The following GNL3L variants were observed in gnomAD, a reference collection of about 807,000 sequenced individuals.
GNL3L encodes guanine nucleotide-binding protein-like 3-like protein.
A neutral mutation model predicts 42.9 loss-of-function variants in GNL3L; 4 were observed. That is an observed-to-expected ratio of 0.09 (90% CI 0.05 to 0.21). GNL3L has a LOEUF of 0.21. Among genes scored for constraint, GNL3L ranks in the 10% least tolerant of loss-of-function variants. The pLI, the probability that GNL3L is intolerant of heterozygous loss-of-function variation, is 1.00. For synonymous variants in GNL3L, 159 were observed against 176.3 expected, an observed-to-expected ratio of 0.90 and a Z score of 0.78; for missense variants, 412 against 481.7, an observed-to-expected ratio of 0.86 and a Z score of 1.36.
the GNL3L span, among the ~76,000 whole-genome samples, chrX:54,633,853 C>T: frequency 8.9e-6 from 1 of 112,844 alleles, no homozygotes; most frequent in Non-Finnish European, 1.9e-5. Context: ...GCTGAGAAAG[C>T]AAGCAGGGCT....
chrX:54,572,049 A>G (rs1381064264), downstream of GNL3L, among the ~76,000 whole-genome samples: 3 of 106,193 alleles, frequency 2.8e-5, no homozygotes, highest in Non-Finnish European at 5.8e-5. Context: ...GGTGTTTCTC[A>G]CAGAAGGGGA....
In GNL3L at chrX:54,566,783, C is replaced by A. The variant is rs1239277766; in HGVS notation, c.*6181C>A. Among the ~76,000 whole-genome samples the A allele has an allele frequency of 9.0e-6, 1 of 111,487 alleles. No homozygotes were observed. Among genetic ancestry groups the A allele is most frequent in the African/African-American group, 3.3e-5 (1 of 30,630 alleles). On this transcript the variant is annotated 3_prime_UTR_variant, in exon 16 of 16. Coordinates refer to ENST00000360845, the MANE Select transcript of GNL3L (RefSeq NM_001184819.2). ...TATGAATATGGGTATGGAGATCTCTCCCCTTATTTTGAGACAGGATCTCAC... is the reference window on the plus strand; with the variant it reads ...TATGAATATGGGTATGGAGATCTCTACCCTTATTTTGAGACAGGATCTCAC...
intron 16 of GNL3L, among the ~76,000 whole-genome samples, chrX:54,599,906 TTCTTC>T (rs1325929735): frequency 9.0e-6 from 1 of 111,395 alleles, no homozygotes; most frequent in African/African-American, 3.2e-5. Flanking sequence ...AATTTCCATT[TTCTTC>T]TCTTCATATC....
chrX:54,617,517 A>G (rs956755554), intron 16 of GNL3L, among the ~76,000 whole-genome samples: 11 of 111,101 alleles, frequency 9.9e-5, no homozygotes, highest in African/African-American at 3.6e-4. Context: ...TCTGTTGACA[A>G]TTTTCCCCCC....
chrX:54,556,410 A>T (rs768743819), intron 14 of GNL3L, among the ~76,000 whole-genome samples: 1 of 110,843 alleles, frequency 9.0e-6, no homozygotes, highest in South Asian at 3.9e-4. Context: ...TGATTCAATT[A>T]CTTCCACCTG....
chrX:54,608,759 A>T (rs1465759584), intron 16 of GNL3L, among the ~76,000 whole-genome samples: 1 of 111,892 alleles, frequency 8.9e-6, no homozygotes, highest in Admixed American at 9.5e-5. Context: ...TCGTTTATTG[A>T]TGGGCATTTG....
chrX:54,592,593 A>T (rs1925883976), intron 16 of GNL3L, among the ~76,000 whole-genome samples: 1 of 111,284 alleles, frequency 9.0e-6, no homozygotes. Flanking sequence ...AGGCAGGTGG[A>T]TCGCTTGAGC....
intron 16 of GNL3L, among the ~76,000 whole-genome samples, chrX:54,590,507 A>G (rs1925855304): frequency 9.0e-6 from 1 of 111,659 alleles, no homozygotes; most frequent in South Asian, 3.7e-4. Context: ...AACTCTTTAT[A>G]TATTGTGATT....
intron 2 of GNL3L, among the ~76,000 whole-genome samples, chrX:54,535,058 T>C (rs1027401914): frequency 1.8e-5 from 2 of 112,267 alleles, no homozygotes; most frequent in African/African-American, 6.5e-5. Context: ...TTATTTAAAT[T>C]CGACCCATTC....
At chrX:54,583,945 A>T (rs998011612) in intron 16 of GNL3L, among the ~76,000 whole-genome samples, 1 of 111,700 alleles carries the variant, frequency 9.0e-6, no homozygotes, top group Non-Finnish European at 1.9e-5. Flanking sequence ...ACCCAGCCCA[A>T]ATTCAACATC....
the GNL3L span, among the ~76,000 whole-genome samples, chrX:54,628,399 G>A: frequency 9.0e-6 from 1 of 110,858 alleles, no homozygotes; most frequent in African/African-American, 3.3e-5. Flanking sequence ...GGATCAAATG[G>A]TAGATCTACT....
intron 16 of GNL3L, among the ~76,000 whole-genome samples, chrX:54,610,877 A>G (rs1926154174): frequency 9.0e-6 from 1 of 111,329 alleles, no homozygotes; most frequent in Non-Finnish European, 1.9e-5. Flanking sequence ...TGAATTAGGG[A>G]GAGTTCCTTT....
At chrX:54,553,833 A>G (rs1454667217) in intron 13 of GNL3L, among the ~76,000 whole-genome samples, 1 of 111,689 alleles carries the variant, frequency 9.0e-6, no homozygotes, top group Non-Finnish European at 1.9e-5. Flanking sequence ...GAGCCACTGT[A>G]TCTGGCCTTA....
chrX:54,607,021 TTTCTTTC>T (rs1690359769), intron 16 of GNL3L, among the ~76,000 whole-genome samples: 1 of 61,599 alleles, frequency 1.6e-5, no homozygotes, highest in Non-Finnish European at 2.6e-5. Context: ...TCTTTCTTTC[TTTCTTTC>T]TTTCTTTCTT....
rs749630788 is a variant in GNL3L, at chrX:54,590,870, G to T, written c.*46-29975G>T. ...CAGTCAGTCAGAGCCTTGCTCTGTC[G>T]CCCAGGCTGGAGTGCAGTGGCACGA... On this transcript the variant is annotated intron_variant, in intron 16 of 16. Coordinates refer to the GNL3L transcript ENST00000674498. 2.8e-5 allele frequency among the ~76,000 whole-genome samples: 3 copies of T among 108,873 alleles called. No individual in the cohort carries two copies. The Admixed American group carries it at 3.0e-4, about 11-fold the overall frequency. The allele number at this position is 108,873 out of a possible 115,157, so 94.5% of individuals were successfully genotyped here. A position where few individuals can be genotyped will look rare whatever the true frequency, so the allele number is the denominator to read the frequency against.
the GNL3L span, among the ~76,000 whole-genome samples, chrX:54,629,795 TC>T: frequency 8.9e-6 from 1 of 111,873 alleles, no homozygotes; most frequent in Admixed American, 9.5e-5. Context: ...AGGGAGGATT[TC>T]CTTTACTCTA....
At chrX:54,621,023 C>T (rs978632935) in exon 17 of GNL3L, among the ~76,000 whole-genome samples, 2 of 112,195 alleles carry the variant, frequency 1.8e-5, no homozygotes, top group African/African-American at 6.5e-5. Flanking sequence ...GATCGCTACA[C>T]AATGACAGGT....
chrX:54,594,554 T>TTA (rs1557199715), intron 16 of GNL3L, among the ~76,000 whole-genome samples: 37 of 104,866 alleles, frequency 3.5e-4, no homozygotes, highest in African/African-American at 1.2e-3. Flanking sequence ...TTTTTTTTTT[T>TTA]AAAAAAAAAT....
In GNL3L at chrX:54,552,320, C is replaced by G. The variant is rs1601985586; in HGVS notation, c.1210C>G (p.Pro404Ala). 5.0e-6 allele frequency: 6 copies of G among 1,207,641 alleles called. No homozygotes were observed. The East Asian group carries it at 1.8e-4, about 36-fold the overall frequency. The part of the protein sequence containing the change: ...SGKISFYIPP[P>A]ATHTLPTHLS... ...GAAGATCAGCTTCTATATACCACCA[C>G]CAGCCACTCACACTCTGCCCACCCA... The change falls in exon 13 of 16, where the codon CCA (proline) becomes GCA (alanine). Residue 404 changes from proline to alanine, a missense_variant. Pro to Ala is a conservative substitution (Grantham distance 27). Coordinates refer to ENST00000360845, the MANE Select transcript of GNL3L (RefSeq NM_001184819.2).
Sources: allele counts gnomAD v4.1 joint callset (sites outside exome capture counted in the v4.1 genomes callset), GRCh38; gene constraint gnomAD v4.1.1; transcripts MANE v1.5; gene names NCBI Gene and HGNC (gene_info 2026-07-23, HGNC 2026-07-21).